Variants in GUCY2F observed in about 807,000 individuals in gnomAD.
The protein encoded by GUCY2F is retinal guanylyl cyclase 2.
GUCY2F carries 61 observed loss-of-function variants against 73.1 expected under a neutral mutation model. The ratio of observed to expected loss-of-function variants is 0.83; its 90% CI spans 0.68 to 1.03. GUCY2F has a LOEUF of 1.03. Among genes scored for constraint, GUCY2F ranks in the 50% least tolerant of loss-of-function variants. The pLI is 0.00. For synonymous variants in GUCY2F, 331 were observed against 307.8 expected (o/e 1.08, Z -0.79); for missense variants, 912 against 854.3 (o/e 1.07, Z -0.84).
Position 109,416,933 on chromosome X carries a change from C to CAAAA in GUCY2F, c.1792-7769_1792-7766dup, listed in dbSNP as rs367707786. Among the ~76,000 whole-genome samples the CAAAA allele has an allele frequency of 6.1e-3, 349 of 57,563 alleles. 3 individuals carry two copies. The highest frequency in any genetic ancestry group is 0.018 in the African/African-American group (327 of 18,580). The allele number at this position is 57,563 out of a possible 115,157, so 50.0% of individuals were successfully genotyped here. On this transcript the variant is annotated intron_variant, in intron 8 of 19. Coordinates refer to ENST00000218006, the MANE Select transcript of GUCY2F (RefSeq NM_001522.3). ...ACTTCTCATCAGAAACAAAGAAATG[C>CAAAA]AAAAAAAAAAAAAAACCAATGAAAC...
At position 109,475,298 on chromosome X, in the gene GUCY2F, G is replaced by A. The variant is rs1343799112; in HGVS notation, c.639C>T (p.Gly213=). The part of the protein sequence containing the change: ...NRVASALRSH[G]LPVGVVLTTG... ...TGGTCAGGACGACCCCTACAGGTAA[G>A]CCGTGGCTCCGAAGAGCACTTGCGA... Residue 213 remains glycine (G), a synonymous_variant, in exon 2 of 20, where the codon GGC becomes GGT. Transcript: ENST00000218006. The A allele has an allele frequency of 3.3e-6, 4 of 1,208,765 alleles. No homozygotes were observed. Among genetic ancestry groups the A allele is most frequent in the Admixed American group, 2.2e-5 (1 of 45,779 alleles).
intron 9 of GUCY2F, among the ~76,000 whole-genome samples, chrX:109,405,010 G>C (rs932883610): frequency 2.7e-5 from 3 of 112,224 alleles, no homozygotes; most frequent in Non-Finnish European, 3.8e-5. Context: ...TTTTATAATA[G>C]TATATAATTG....
At chrX:109,460,600 A>G (rs1156657824) in intron 3 of GUCY2F, among the ~76,000 whole-genome samples, 2 of 111,931 alleles carry the variant, frequency 1.8e-5, no homozygotes, top group Non-Finnish European at 3.8e-5. Context: ...CCTCCTGTAA[A>G]AAGCTACTAC....
intron 16 of GUCY2F, chrX:109,383,350 A>G: frequency 1.6e-6 from 1 of 610,303 alleles, no homozygotes; most frequent in Non-Finnish European, 2.0e-6. Flanking sequence ...TAAAAGAGAG[A>G]TAGCTCATAC....
Position 109,441,387 on chromosome X carries a change from T to C in GUCY2F, c.1665A>G (p.Pro555=), listed in dbSNP as rs1403893480. ...CTATGTTGGAGTTTTCATAGGTAGC[T>C]GGAGTTAGACTCCCTGAAGAAAAGG... ...RLSFSSGSLT[P]ATYENSNIAI... Residue 555 remains proline (P), a synonymous_variant, in exon 7 of 20, where the codon CCA becomes CCG. Transcript: ENST00000218006. 7 of 1,157,983 alleles carry C rather than the reference T, an allele frequency of 6.0e-6. No individual in the cohort carries two copies. The East Asian group carries it at 1.5e-4, about 25-fold the overall frequency.
At chrX:109,457,521 C>T (rs1932284486) in intron 3 of GUCY2F, among the ~76,000 whole-genome samples, 1 of 111,791 alleles carries the variant, frequency 8.9e-6, no homozygotes, top group Non-Finnish European at 1.9e-5. Context: ...TGATCTCAAC[C>T]CTTGGGCATA....
chrX:109,417,358 TGGG>T (rs1931269150), intron 8 of GUCY2F, among the ~76,000 whole-genome samples: 1 of 111,130 alleles, frequency 9.0e-6, no homozygotes, highest in Non-Finnish European at 1.9e-5. Context: ...GGCTAGTAAA[TGGG>T]ACACTGCTGT....
intron 8 of GUCY2F, among the ~76,000 whole-genome samples, chrX:109,410,849 A>G (rs1931091825): frequency 9.0e-6 from 1 of 111,327 alleles, no homozygotes. Context: ...AGGGGTTGAG[A>G]GTGATAGCAC....
At position 109,430,312 on chromosome X, in the gene GUCY2F, C is replaced by T. The variant is rs773038894; in HGVS notation, c.1786G>A (p.Glu596Lys). Reference protein sequence around the residue: ...SIKSRASDVFEMMKDLRHENI... With the variant: ...SIKSRASDVFKMMKDLRHENI... ...TAAACGAAGATTTCTCATACCATTTCGAACACATCACTTGCTCTTGATTTG... is the reference window on the plus strand; with the variant it reads ...TAAACGAAGATTTCTCATACCATTTTGAACACATCACTTGCTCTTGATTTG... The change falls in exon 8 of 20, where the codon GAA (glutamate) becomes AAA (lysine). Residue 596 changes from glutamate (E) to lysine (K), a missense_variant. Coordinates refer to ENST00000218006, the MANE Select transcript of GUCY2F (RefSeq NM_001522.3). 8 of 1,028,361 alleles carry T rather than the reference C, an allele frequency of 7.8e-6. No individual in the cohort carries two copies. The Admixed American group carries it at 8.9e-5, about 11-fold the overall frequency. The allele number at this position is 1,028,361 out of a possible 1,213,427, so 84.7% of individuals were successfully genotyped here.
In GUCY2F at chrX:109,390,104, G is replaced by A. The variant is rs571939498; in HGVS notation, c.2782-1441C>T. On this transcript the variant is annotated intron_variant, in intron 14 of 19. Transcript: ENST00000218006. ...TCAGAGATTAGTTGTTGACCCTTTA[G>A]CTTTGATGAGTCAGTCACCCAGGAG... is the stretch of plus-strand genomic sequence containing the variant. Among the ~76,000 whole-genome samples the A allele has an allele frequency of 2.9e-4, 32 of 111,257 alleles. No individual in the cohort carries two copies. In the South Asian group the frequency reaches 0.012, roughly 41 times the overall value.
At chrX:109,442,131 C>T (rs1029257235) in intron 6 of GUCY2F, among the ~76,000 whole-genome samples, 1 of 111,701 alleles carries the variant, frequency 9.0e-6, no homozygotes, top group Admixed American at 9.5e-5. Context: ...AACTTGCACA[C>T]ATAAGTCTGG....
At chrX:109,401,219 G>C (rs1180616284) in intron 10 of GUCY2F, among the ~76,000 whole-genome samples, 2 of 111,936 alleles carry the variant, frequency 1.8e-5, no homozygotes, top group Non-Finnish European at 3.8e-5. Flanking sequence ...CATTAGAGTT[G>C]AACTCTCGGG....
intron 14 of GUCY2F, among the ~76,000 whole-genome samples, chrX:109,390,765 C>A (rs1358030175): frequency 8.9e-6 from 1 of 112,659 alleles, no homozygotes; most frequent in Non-Finnish European, 1.9e-5. Flanking sequence ...AAGACAGGTA[C>A]TCTGATTCCA....
At chrX:109,379,938 T>C (rs1350552880) in intron 17 of GUCY2F, among the ~76,000 whole-genome samples, 1 of 112,164 alleles carries the variant, frequency 8.9e-6, no homozygotes, top group Non-Finnish European at 1.9e-5. Flanking sequence ...TTTGGTCTCT[T>C]TCTTTGTAAC....
intron 3 of GUCY2F, among the ~76,000 whole-genome samples, chrX:109,457,394 C>T (rs1415863011): frequency 8.9e-6 from 1 of 111,913 alleles, no homozygotes; most frequent in Non-Finnish European, 1.9e-5. Flanking sequence ...GAAAAGCCAT[C>T]ACTTGAAGGA....
At chrX:109,480,027 C>T (rs1213416480) in intron 1 of GUCY2F, among the ~76,000 whole-genome samples, 1 of 111,621 alleles carries the variant, frequency 9.0e-6, no homozygotes, top group East Asian at 2.8e-4. Context: ...TTCGCAGTGC[C>T]TGACACATAG....
intron 2 of GUCY2F, among the ~76,000 whole-genome samples, chrX:109,466,721 G>T (rs1026594499): frequency 8.9e-6 from 1 of 111,841 alleles, no homozygotes; most frequent in Non-Finnish European, 1.9e-5. Flanking sequence ...AGACTCTATT[G>T]CTACTGGTAA....
intron 8 of GUCY2F, among the ~76,000 whole-genome samples, chrX:109,424,268 A>C (rs1356656174): frequency 8.9e-6 from 1 of 112,513 alleles, no homozygotes; most frequent in Non-Finnish European, 1.9e-5. Flanking sequence ...GGAAAGAACA[A>C]TAGGAATCTA....
chrX:109,446,773 A>T (rs1932020432), intron 6 of GUCY2F, among the ~76,000 whole-genome samples: 1 of 112,032 alleles, frequency 8.9e-6, no homozygotes, highest in Non-Finnish European at 1.9e-5. Flanking sequence ...AAATACACAA[A>T]TGGGATCTAA....
Sources: gnomAD v4.1 joint callset for allele counts (sites outside exome capture counted in the v4.1 genomes callset) on GRCh38, gnomAD v4.1.1 for gene constraint, MANE v1.5 for transcripts, NCBI Gene and HGNC (gene_info 2026-07-23, HGNC 2026-07-21) for gene names.